Variants in KIFAP3 observed in about 807,000 individuals in gnomAD.
KIFAP3 encodes kinesin-associated protein 3.
KIFAP3 carries 68 observed loss-of-function variants against 106.5 expected under a neutral mutation model. The observed-to-expected ratio is 0.64, with a 90% CI of 0.53 to 0.78. KIFAP3 has a LOEUF of 0.78. Ranked by LOEUF, KIFAP3 falls within the 30% of genes least tolerant of loss-of-function variation. The probability of loss-of-function intolerance (pLI) is 0.00; values close to 1 mark genes in which losing one functional copy is unlikely to be tolerated. For synonymous variants in KIFAP3, 320 were observed against 311.5 expected (o/e 1.03, Z -0.29); for missense variants, 780 against 941.8 (o/e 0.83, Z 2.25).
chr1:169,946,699 G>A (rs929882806), intron 19 of KIFAP3, among the ~76,000 whole-genome samples: 1 of 151,928 alleles, frequency 6.6e-6, no homozygotes, highest in Non-Finnish European at 1.5e-5. Context: ...GATACATGAA[G>A]ATTTAAATGC....
intron 10 of KIFAP3, among the ~76,000 whole-genome samples, chr1:170,000,462 T>C (rs1478963495): frequency 2.0e-5 from 3 of 152,096 alleles, no homozygotes; most frequent in African/African-American, 4.8e-5. Context: ...TGTCTTTACA[T>C]TTATTACGGA....
intron 19 of KIFAP3, among the ~76,000 whole-genome samples, chr1:169,930,359 T>C (rs1663396092): frequency 1.3e-5 from 2 of 152,234 alleles, no homozygotes; most frequent in African/African-American, 4.8e-5. Context: ...ATATTGAACA[T>C]TGATAAAATG....
intron 1 of KIFAP3, among the ~76,000 whole-genome samples, chr1:170,060,544 C>T (rs1671090622): frequency 6.6e-6 from 1 of 152,168 alleles, no homozygotes; most frequent in African/African-American, 2.4e-5. Context: ...ATTCCATGCT[C>T]ATGGATAGGA....
intron 1 of KIFAP3, among the ~76,000 whole-genome samples, chr1:170,062,328 C>T (rs1053863281): frequency 6.7e-6 from 1 of 149,950 alleles, no homozygotes; most frequent in Non-Finnish European, 1.5e-5. Flanking sequence ...CCTTGATATT[C>T]ATCCTATTAA....
At chr1:170,061,437 G>C (rs1360934572) in intron 1 of KIFAP3, among the ~76,000 whole-genome samples, 5 of 152,208 alleles carry the variant, frequency 3.3e-5, no homozygotes, top group Non-Finnish European at 5.9e-5. Flanking sequence ...GGCCATTAGA[G>C]AAATGCAAAT....
At chr1:169,983,627 T>G (rs370369632) in intron 12 of KIFAP3, among the ~76,000 whole-genome samples, 9 of 152,046 alleles carry the variant, frequency 5.9e-5, no homozygotes, top group South Asian at 4.1e-4. Flanking sequence ...TCACTTTTCC[T>G]CTTCCCTGTC....
At chr1:170,037,955 G>C (rs1669772352) in intron 5 of KIFAP3, among the ~76,000 whole-genome samples, 1 of 152,020 alleles carries the variant, frequency 6.6e-6, no homozygotes, top group Non-Finnish European at 1.5e-5. Flanking sequence ...CTGTGCTACT[G>C]AGAAAAAATG....
At position 169,961,030 on chromosome 1, in the gene KIFAP3, T is replaced by C. The variant is rs1411563911; in HGVS notation, c.2173+16A>G. The stretch of plus-strand genomic sequence containing the variant: ...ATAGCATATAATAAACTGTTTACTT[T>C]CGCTTTGGTTATCACCTGAGTTGTA... On this transcript the variant is annotated intron_variant, in intron 18 of 19. Coordinates refer to ENST00000361580, the MANE Select transcript of KIFAP3 (RefSeq NM_014970.4). The C allele has an allele frequency of 1.2e-6, 2 of 1,604,934 alleles. No individual in the cohort carries two copies. Among genetic ancestry groups the C allele is most frequent in the Admixed American group, 1.7e-5 (1 of 59,346 alleles).
chr1:170,071,542 T>C (rs1008119002), intron 1 of KIFAP3, among the ~76,000 whole-genome samples: 5 of 152,152 alleles, frequency 3.3e-5, no homozygotes, highest in African/African-American at 9.7e-5. Flanking sequence ...TGTGCTTCAT[T>C]ATAACACAGT....
intron 16 of KIFAP3, among the ~76,000 whole-genome samples, chr1:169,975,551 T>C (rs1161028640): frequency 6.6e-6 from 1 of 152,176 alleles, no homozygotes; most frequent in African/African-American, 2.4e-5. Flanking sequence ...CAGATTTAAA[T>C]GCCATTGACA....
chr1:170,030,607 T>C (rs934252080), intron 8 of KIFAP3, among the ~76,000 whole-genome samples: 7 of 151,826 alleles, frequency 4.6e-5, no homozygotes, highest in African/African-American at 1.7e-4. Flanking sequence ...GGAAATACTA[T>C]TCAATAACAA....
chr1:169,993,274 T>A (rs1055608558), intron 10 of KIFAP3, among the ~76,000 whole-genome samples: 1 of 151,642 alleles, frequency 6.6e-6, no homozygotes, highest in African/African-American at 2.4e-5. Flanking sequence ...ACCTGGCTAA[T>A]TTTTTATTTT....
intron 10 of KIFAP3, among the ~76,000 whole-genome samples, chr1:169,997,910 A>AT (rs1667448227): frequency 7.8e-6 from 1 of 127,750 alleles, no homozygotes; most frequent in Non-Finnish European, 1.7e-5. Context: ...AAAAAAAAAA[A>AT]CTCTGCTGTT....
intron 16 of KIFAP3, among the ~76,000 whole-genome samples, chr1:169,976,752 T>C (rs1442290037): frequency 2.0e-5 from 3 of 152,210 alleles, no homozygotes; most frequent in Non-Finnish European, 4.4e-5. Flanking sequence ...GGTCTCCCTC[T>C]GCCACCCAGG....
At chr1:170,062,591 T>C (rs1557874416) in intron 1 of KIFAP3, among the ~76,000 whole-genome samples, 2 of 152,208 alleles carry the variant, frequency 1.3e-5, no homozygotes, top group Admixed American at 6.5e-5. Flanking sequence ...CTTTGATTTA[T>C]CTGTATATTA....
intron 17 of KIFAP3, among the ~76,000 whole-genome samples, chr1:169,967,934 C>T (rs866346232): frequency 9.9e-5 from 15 of 151,720 alleles, no homozygotes; most frequent in African/African-American, 3.1e-4. Context: ...TATGAGAATT[C>T]AGGGATATCA....
intron 10 of KIFAP3, among the ~76,000 whole-genome samples, chr1:170,008,695 T>A (rs1313224669): frequency 6.6e-6 from 1 of 152,168 alleles, no homozygotes; most frequent in East Asian, 1.9e-4. Flanking sequence ...GTTCAACCAT[T>A]GTGGAAGACA....
Position 169,938,133 on chromosome 1 carries a change from GAAAAT to G in KIFAP3, c.2273+15873_2273+15877del, listed in dbSNP as rs952217600. On this transcript the variant is annotated intron_variant, in intron 19 of 19. Coordinates refer to ENST00000361580, the MANE Select transcript of KIFAP3 (RefSeq NM_014970.4). ...TTGGGACATTATAAGAGTTGCTTTTGAAAATAAAATAAAATTTTTCTATGATAGAG... is the reference window on the plus strand; with the variant it reads ...TTGGGACATTATAAGAGTTGCTTTTGAAAATAAAATTTTTCTATGATAGAG... 2.0e-4 allele frequency among the ~76,000 whole-genome samples: 31 copies of G among 151,956 alleles called. No individual in the cohort carries two copies. The East Asian group carries it at 2.9e-3, about 14-fold the overall frequency.
chr1:169,947,632 A>G (rs1035146521), intron 19 of KIFAP3, among the ~76,000 whole-genome samples: 1 of 151,894 alleles, frequency 6.6e-6, no homozygotes, highest in Non-Finnish European at 1.5e-5. Context: ...TAAGTCAACA[A>G]ATCTGTTATA....
Sources: gnomAD v4.1 joint callset for allele counts (sites outside exome capture counted in the v4.1 genomes callset) on GRCh38, gnomAD v4.1.1 for gene constraint, MANE v1.5 for transcripts, NCBI Gene and HGNC (gene_info 2026-07-23, HGNC 2026-07-21) for gene names.